The following ZNF512 variants were observed in gnomAD, a reference collection of about 807,000 sequenced individuals.
The protein encoded by ZNF512 is zinc finger protein 512.
A neutral mutation model predicts 77.5 loss-of-function variants in ZNF512; 25 were observed. That is an observed-to-expected ratio of 0.32 (90% CI 0.23 to 0.45). The LOEUF is 0.45. Ranked by LOEUF, ZNF512 falls within the 20% of genes least tolerant of loss-of-function variation. ZNF512 has a pLI of 1.00. For missense variants in ZNF512, 483 were observed against 692.6 expected (o/e 0.70, Z 3.40); for synonymous variants, 246 against 239.9 (o/e 1.03, Z -0.24).
At position 27,621,552 on chromosome 2, in the gene ZNF512, G is replaced by C; in HGVS notation, c.*91G>C. Reference sequence around the variant, plus strand: ...GGAGGACTGAGTGAAGATTCTTTCAGCTGTTTGTGTAAGGCTGTGACTTTC... The same window carrying C: ...GGAGGACTGAGTGAAGATTCTTTCACCTGTTTGTGTAAGGCTGTGACTTTC... On this transcript the variant is annotated 3_prime_UTR_variant, in exon 14 of 14. Transcript: ENST00000355467. 1 of 1,354,920 alleles carries C rather than the reference G, an allele frequency of 7.4e-7. No individual in the cohort carries two copies. Among genetic ancestry groups the C allele is most frequent in the African/African-American group, 1.5e-5 (1 of 68,516 alleles). The allele number at this position is 1,354,920 out of a possible 1,614,324, so 83.9% of individuals were successfully genotyped here. A position where few individuals can be genotyped will look rare whatever the true frequency, so the allele number is the denominator to read the frequency against.
At chr2:27,616,168 CT>C (rs1672871364) in intron 11 of ZNF512, 93 bp from the exon 12 acceptor site, 1 of 828,110 alleles carries the variant, frequency 1.2e-6, no homozygotes, top group Admixed American at 2.6e-5. Context: ...GGTTTTCTTC[CT>C]TCAAATGTGG....
intron 2 of ZNF512, among the ~76,000 whole-genome samples, chr2:27,596,787 T>C (rs910307732): frequency 3.3e-5 from 5 of 152,216 alleles, no homozygotes; most frequent in African/African-American, 1.2e-4. Context: ...CTTCCCTATT[T>C]GTAACATACT....
At chr2:27,610,189 C>T (rs1040218778) in intron 10 of ZNF512, among the ~76,000 whole-genome samples, 1 of 150,792 alleles carries the variant, frequency 6.6e-6, no homozygotes, top group Non-Finnish European at 1.5e-5. Flanking sequence ...ACAGTGAAAC[C>T]CCATCTCTAC....
intron 13 of ZNF512, among the ~76,000 whole-genome samples, chr2:27,618,333 G>A (rs1431891459): frequency 1.3e-5 from 2 of 152,180 alleles, no homozygotes; most frequent in Non-Finnish European, 2.9e-5. Context: ...ATGCCTTCTA[G>A]CATTCTAATG....
At chr2:27,613,525 C>T (rs1427435647) in intron 10 of ZNF512, among the ~76,000 whole-genome samples, 1 of 151,542 alleles carries the variant, frequency 6.6e-6, no homozygotes, top group Non-Finnish European at 1.5e-5. Flanking sequence ...TATATATATA[C>T]AGTTGTCCCT....
intron 2 of ZNF512, among the ~76,000 whole-genome samples, chr2:27,585,812 G>A (rs1203409800): frequency 6.6e-6 from 1 of 152,158 alleles, no homozygotes. Flanking sequence ...TAAAATAAAT[G>A]CAATTATGAT....
chr2:27,589,363 A>G (rs914485512), intron 2 of ZNF512, among the ~76,000 whole-genome samples: 2 of 152,102 alleles, frequency 1.3e-5, no homozygotes, highest in African/African-American at 4.8e-5. Context: ...AAATTTGTTC[A>G]TTGTAATTTT....
Position 27,622,754 on chromosome 2 carries a change from C to T in ZNF512, c.*1293C>T, listed in dbSNP as rs1008130967. ...TGGCATATGCCACATAAAAAATGAA[C>T]CTGATATAGACAAGTACTACCTTTT... is the stretch of plus-strand genomic sequence containing the variant. On this transcript the variant is annotated 3_prime_UTR_variant, in exon 14 of 14. Transcript: ENST00000355467. The T allele has an allele frequency of 9.2e-5, 14 of 152,712 alleles. No individual in the cohort carries two copies. The highest frequency in any genetic ancestry group is 3.4e-4 in the African/African-American group (14 of 41,430). The allele number at this position is 152,712 out of a possible 1,614,324, so 9.5% of individuals were successfully genotyped here. A position where few individuals can be genotyped will look rare whatever the true frequency, so the allele number is the denominator to read the frequency against.
chr2:27,618,635 T>C (rs1336701302), intron 13 of ZNF512, among the ~76,000 whole-genome samples: 3 of 152,192 alleles, frequency 2.0e-5, no homozygotes, highest in Non-Finnish European at 4.4e-5. Flanking sequence ...GGAAAGAAAT[T>C]AACAGTGGTA....
At chr2:27,595,796 A>G (rs1018655628) in intron 2 of ZNF512, among the ~76,000 whole-genome samples, 3 of 151,624 alleles carry the variant, frequency 2.0e-5, no homozygotes, top group Admixed American at 1.3e-4. Context: ...GATGATTCCC[A>G]CCTTTTCCTT....
intron 7 of ZNF512, among the ~76,000 whole-genome samples, chr2:27,601,701 T>G (rs1021885647): frequency 6.6e-6 from 1 of 152,142 alleles, no homozygotes; most frequent in Non-Finnish European, 1.5e-5. Context: ...CAGGCTGGAG[T>G]GCAGCAGTGC....
intron 2 of ZNF512, among the ~76,000 whole-genome samples, chr2:27,589,046 G>C (rs1261028429): frequency 6.6e-6 from 1 of 152,090 alleles, no homozygotes; most frequent in Non-Finnish European, 1.5e-5. Flanking sequence ...GTATTCAGTT[G>C]ACTTTGTATG....
rs1284020021 is a variant in ZNF512 at position 27,621,345 on chromosome 2, A to C, written c.1588A>C (p.Asn530His). The C allele has an allele frequency of 6.2e-7, 1 of 1,614,174 alleles. No homozygotes were observed. Residue 530 changes from asparagine to histidine, a missense_variant, in exon 14 of 14, where the codon AAT becomes CAT. By Grantham distance (68) the Asn-to-His change is moderately conservative. Around this residue, in one of 2 missense-constraint regions of ZNF512, gnomAD observed 324 missense variants for 525.0 expected, o/e 0.62. Coordinates refer to ENST00000355467, the MANE Select transcript of ZNF512 (RefSeq NM_032434.4). ...TAGAGTAGGGAAGGATCAGAGGAGG[A>C]ATAATGAGGAACTGGTAGTGTCAGC... ...SLRVGKDQRR[N>H]NEELVVSASC...
chr2:27,593,424 G>A (rs1480988353), intron 2 of ZNF512, among the ~76,000 whole-genome samples: 1 of 149,938 alleles, frequency 6.7e-6, no homozygotes, highest in African/African-American at 2.5e-5. Context: ...CTTTGGACCA[G>A]CCTGGGCAAC....
intron 13 of ZNF512, among the ~76,000 whole-genome samples, chr2:27,618,843 G>GAATAC (rs1673005027): frequency 6.6e-6 from 1 of 152,142 alleles, no homozygotes; most frequent in African/African-American, 2.4e-5. Context: ...AACAGCTTAG[G>GAATAC]AATACAATTT....
chr2:27,592,748 C>T (rs112190560), intron 2 of ZNF512, among the ~76,000 whole-genome samples: 46 of 129,318 alleles, frequency 3.6e-4, no homozygotes, highest in Middle Eastern at 6.0e-3. Flanking sequence ...GCAAATGGCG[C>T]GATCTTGGCT....
chr2:27,595,674 T>C (rs1182888179), intron 2 of ZNF512, among the ~76,000 whole-genome samples: 1 of 152,238 alleles, frequency 6.6e-6, no homozygotes, highest in African/African-American at 2.4e-5. Flanking sequence ...GACTCTTTCC[T>C]CTGTCATCTC....
chr2:27,603,903 TTTAA>T lies in ZNF512; in HGVS notation c.936+615_936+618del, dbSNP rs1006324941. Among the ~76,000 whole-genome samples the T allele has an allele frequency of 8.0e-5, 12 of 149,904 alleles. 1 individual carries two copies. Among genetic ancestry groups the T allele is most frequent in the African/African-American group, 1.5e-4 (6 of 40,584 alleles). On this transcript the variant is annotated intron_variant, in intron 9 of 13. Coordinates refer to ENST00000355467, the MANE Select transcript of ZNF512 (RefSeq NM_032434.4). The stretch of plus-strand genomic sequence containing the variant: ...GCGAGCCACCCTGCTCAGCCCATTA[TTTAA>T]TTAATTAATTAATTAATTTATGTAT...
At chr2:27,610,306 G>A (rs1430667438) in intron 10 of ZNF512, among the ~76,000 whole-genome samples, 1 of 148,500 alleles carries the variant, frequency 6.7e-6, no homozygotes, top group African/African-American at 2.5e-5. Flanking sequence ...AGAGGTTGCA[G>A]TGAGCCGAGA....
Sources: gnomAD v4.1 joint callset for allele counts (sites outside exome capture counted in the v4.1 genomes callset) on GRCh38, gnomAD v4.1.1 for gene constraint, gnomAD v4.1.1 regional missense constraint, MANE v1.5 for transcripts, NCBI Gene and HGNC (gene_info 2026-07-23, HGNC 2026-07-21) for gene names.